The following TSHZ1 variants were observed in gnomAD, a reference collection of about 807,000 sequenced individuals.
TSHZ1 encodes the protein teashirt zinc finger homeobox 1.
Under a neutral mutation model 67.1 loss-of-function variants are expected in TSHZ1, and 12 were observed. The ratio of observed to expected loss-of-function variants is 0.18; its 90% CI spans 0.11 to 0.29. The LOEUF is 0.29. Among genes scored for constraint, TSHZ1 ranks in the 10% least tolerant of loss-of-function variants. TSHZ1 has a pLI of 1.00. For missense variants in TSHZ1, 1,305 were observed against 1,413.9 expected (o/e 0.92, Z 1.23); for synonymous variants, 632 against 622.4 (o/e 1.02, Z -0.23).
chr18:75,288,767 C>G lies in TSHZ1; in HGVS notation c.*126C>G. On this transcript the variant is annotated 3_prime_UTR_variant, in exon 2 of 2. Transcript: ENST00000580243. The surrounding 1 kb of genome is among the most constrained non-coding windows in gnomAD (Gnocchi z 4.9). ...GCCCGCCTCTCTGGACCTTGGTTTT[C>G]TTACACATATTTTGTATATTTATAT... The G allele has an allele frequency of 6.9e-7, 1 of 1,440,386 alleles. No individual in the cohort carries two copies. The highest frequency in any genetic ancestry group is 1.5e-5 in the South Asian group (1 of 64,742). The allele number at this position is 1,440,386 out of a possible 1,614,324, so 89.2% of individuals were successfully genotyped here.
intron 1 of TSHZ1, among the ~76,000 whole-genome samples, chr18:75,271,344 T>C (rs2023554088): frequency 6.6e-6 from 1 of 152,242 alleles, no homozygotes; most frequent in Non-Finnish European, 1.5e-5. Flanking sequence ...CTGTGAAGAA[T>C]GCTTGAGGCT....
chr18:75,283,465 A>AT (rs1204778492), intron 1 of TSHZ1: 1 of 152,236 alleles, frequency 6.6e-6, no homozygotes, highest in Non-Finnish European at 1.5e-5. Context: ...CATCTAGAAC[A>AT]TTCCCCACAT....
chr18:75,270,066 T>C (rs1167929871), intron 1 of TSHZ1, among the ~76,000 whole-genome samples: 3 of 152,208 alleles, frequency 2.0e-5, no homozygotes, highest in African/African-American at 7.2e-5. Context: ...TATTCCGAAA[T>C]TGGAATCAGT....
chr18:75,224,585 C>G (rs1446434401), intron 1 of TSHZ1, among the ~76,000 whole-genome samples: 1 of 152,104 alleles, frequency 6.6e-6, no homozygotes, highest in Non-Finnish European at 1.5e-5. Flanking sequence ...TGTATGATCC[C>G]CCCCTCCCCG....
rs369741925 is a variant in TSHZ1, at chr18:75,220,960, C to A, written c.40+9044C>A. 9.9e-5 allele frequency: 15 copies of A among 152,214 alleles called. No homozygotes were observed. The East Asian group carries it at 2.1e-3, about 21-fold the overall frequency. The allele number at this position is 152,214 out of a possible 1,614,324, so 9.4% of individuals were successfully genotyped here. ...TGCAAAATATAAGGCAGGATTTCCT[C>A]ACTCTTGTGATCGTGGCGCATTCTG... On this transcript the variant is annotated intron_variant, in intron 1 of 1. Transcript: ENST00000580243.
intron 1 of TSHZ1, chr18:75,284,249 C>G (rs1401221265): frequency 1.3e-5 from 2 of 152,674 alleles, no homozygotes; most frequent in African/African-American, 2.4e-5. Flanking sequence ...TCTCTGCCTT[C>G]CAGCCTCATC....
chr18:75,246,403 GGT>G (rs74178999), intron 1 of TSHZ1, among the ~76,000 whole-genome samples: 7,396 of 108,340 alleles, frequency 0.068, 297 homozygotes, highest in Admixed American at 0.076. Context: ...TTTGGTTTCT[GGT>G]GTGTGTGTGT....
At chr18:75,263,450 C>A (rs1362203518) in intron 1 of TSHZ1, among the ~76,000 whole-genome samples, 2 of 152,068 alleles carry the variant, frequency 1.3e-5, no homozygotes, top group Non-Finnish European at 2.9e-5. Context: ...TTCTCTGACA[C>A]CTTGTTGTAT....
At chr18:75,227,679 C>T (rs1375348146) in intron 1 of TSHZ1, among the ~76,000 whole-genome samples, 1 of 152,178 alleles carries the variant, frequency 6.6e-6, no homozygotes, top group African/African-American at 2.4e-5. Flanking sequence ...ACAGTCCCTA[C>T]CACACTGAAG....
chr18:75,285,588 A>C lies in TSHZ1; in HGVS notation c.181A>C (p.Asn61His). Reference protein sequence around the residue: ...TEIKEAQSYQNSPVSSATNQD... With the variant: ...TEIKEAQSYQHSPVSSATNQD... ...GATCAAAGAGGCGCAGAGCTACCAG[A>C]ACTCCCCAGTCAGCTCTGCGACTAA... is the stretch of plus-strand genomic sequence containing the variant. The change falls in exon 2 of 2, where the codon AAC (asparagine) becomes CAC (histidine). Residue 61 changes from asparagine to histidine, a missense_variant. By Grantham distance (68) the Asn-to-His change is moderately conservative (BLOSUM62 1). Coordinates refer to ENST00000580243, the MANE Select transcript of TSHZ1 (RefSeq NM_001308210.2). 6.2e-7 allele frequency: 1 copy of C among 1,606,302 alleles called. No homozygotes were observed. The highest frequency in any genetic ancestry group is 8.5e-7 in the Non-Finnish European group (1 of 1,174,070).
In TSHZ1 at chr18:75,286,818, C is replaced by T; in HGVS notation, c.1411C>T (p.Pro471Ser). Residue 471 changes from proline to serine, a missense_variant, in exon 2 of 2, where the codon CCG (proline) becomes TCG (serine). Around this residue, in one of 3 missense-constraint regions of TSHZ1, gnomAD observed 909 missense variants for 961.8 expected, o/e 0.95. Transcript: ENST00000580243. The surrounding 1 kb of genome is among the most constrained non-coding windows in gnomAD (Gnocchi z 5.1). ...AGAGAAGATCCAGTCCATCCCACTA[C>T]CGCCCACCACCCACACGCGGCTGCC... Reference protein sequence around the residue: ...VEEKIQSIPLPPTTHTRLPAS... With the variant: ...VEEKIQSIPLSPTTHTRLPAS... The T allele has an allele frequency of 6.2e-7, 1 of 1,613,912 alleles. No homozygotes were observed. Among genetic ancestry groups the T allele is most frequent in the Non-Finnish European group, 8.5e-7 (1 of 1,180,014 alleles).
chr18:75,224,325 G>A (rs1018335755), intron 1 of TSHZ1, among the ~76,000 whole-genome samples: 7 of 151,992 alleles, frequency 4.6e-5, no homozygotes, highest in East Asian at 3.9e-4. Flanking sequence ...CTTAAATTTC[G>A]CATCGTGAAA....
chr18:75,213,077 C>T (rs1486442907), intron 1 of TSHZ1, among the ~76,000 whole-genome samples: 1 of 152,176 alleles, frequency 6.6e-6, no homozygotes, highest in Non-Finnish European at 1.5e-5. Context: ...GTTTGAGTAT[C>T]ACATTCAGTA....
chr18:75,255,831 A>G (rs1311168062), intron 1 of TSHZ1, among the ~76,000 whole-genome samples: 2 of 152,220 alleles, frequency 1.3e-5, no homozygotes, highest in African/African-American at 4.8e-5. Context: ...TACTTCTTGT[A>G]CTCAGGAAGA....
chr18:75,257,609 T>A (rs1599043794), intron 1 of TSHZ1, among the ~76,000 whole-genome samples: 2 of 152,196 alleles, frequency 1.3e-5, no homozygotes, highest in Non-Finnish European at 2.9e-5. Context: ...AAACTTAGTG[T>A]TCGTAGACAG....
At chr18:75,250,929 C>T (rs1331004006) in intron 1 of TSHZ1, among the ~76,000 whole-genome samples, 1 of 152,174 alleles carries the variant, frequency 6.6e-6, no homozygotes, top group Non-Finnish European at 1.5e-5. Flanking sequence ...TGCCTGTGCC[C>T]TCAAGATGTA....
intron 1 of TSHZ1, among the ~76,000 whole-genome samples, chr18:75,228,107 C>G (rs1036346756): frequency 1.3e-5 from 2 of 152,188 alleles, no homozygotes; most frequent in Admixed American, 1.3e-4. Context: ...CCTGAAAACG[C>G]GGATCCATGA....
Position 75,288,870 on chromosome 18 carries a change from T to G in TSHZ1, c.*229T>G. 1 of 572,348 alleles carries G rather than the reference T, an allele frequency of 1.7e-6. No homozygotes were observed. The highest frequency in any genetic ancestry group is 2.8e-6 in the Non-Finnish European group (1 of 361,522). 35.5% of individuals were successfully genotyped at this position (572,348 alleles called of 1,614,324 possible). ...TGACCTTTATTTTCAACATCTGTTC[T>G]TGGTGTTAAGCTATCTTTTGTAGGA... On this transcript the variant is annotated 3_prime_UTR_variant, in exon 2 of 2. Coordinates refer to ENST00000580243, the MANE Select transcript of TSHZ1 (RefSeq NM_001308210.2). The surrounding 1 kb of genome is among the most constrained non-coding windows in gnomAD (Gnocchi z 4.9).
intron 1 of TSHZ1, among the ~76,000 whole-genome samples, chr18:75,248,905 C>T (rs1349501665): frequency 2.0e-5 from 3 of 152,276 alleles, no homozygotes; most frequent in East Asian, 1.9e-4. Flanking sequence ...GCTGGTGTGC[C>T]GTGAAGCCAT....
Sources: allele counts gnomAD v4.1 joint callset (sites outside exome capture counted in the v4.1 genomes callset), GRCh38; gene constraint gnomAD v4.1.1; regional missense constraint gnomAD v4.1.1; non-coding constraint Gnocchi (gnomAD v3.1); transcripts MANE v1.5; gene names NCBI Gene and HGNC (gene_info 2026-07-23, HGNC 2026-07-21).